The following NAB1 variants were observed in gnomAD, a reference collection of about 807,000 sequenced individuals.
The protein encoded by NAB1 is NGFI-A binding protein 1.
In NAB1, 25 loss-of-function variants were observed where a neutral mutation model predicts 49.9. The observed-to-expected ratio is 0.50, with a 90% CI of 0.37 to 0.70. NAB1 has a LOEUF of 0.70. Among genes scored for constraint, NAB1 ranks in the 30% least tolerant of loss-of-function variants. NAB1 has a pLI of 0.00. For missense variants in NAB1, 489 were observed against 575.9 expected (o/e 0.85, Z 1.54); for synonymous variants, 198 against 215.6 (o/e 0.92, Z 0.71).
rs1695214107 is a variant in NAB1, at chr2:190,679,237, ATTTC to A, written c.1006-4499_1006-4496del. Reference sequence around the variant, plus strand: ...GTTTCTTGGGAATGTTCTTACTTTTATTTCTAAGTCATATATTTTGGGGACCTTA... The same window carrying A: ...GTTTCTTGGGAATGTTCTTACTTTTATAAGTCATATATTTTGGGGACCTTA... On this transcript the variant is annotated intron_variant, in intron 6 of 9. Transcript: ENST00000337386. The surrounding 1 kb of genome is among the most constrained non-coding windows in gnomAD (Gnocchi z 5.3). 6.6e-6 allele frequency among the ~76,000 whole-genome samples: 1 copy of A among 152,186 alleles called. No homozygotes were observed. Among genetic ancestry groups the A allele is most frequent in the African/African-American group, 2.4e-5 (1 of 41,452 alleles).
In NAB1 at chr2:190,666,351, T is replaced by C. The variant is rs1055027635; in HGVS notation, c.820-3975T>C. Among the ~76,000 whole-genome samples the C allele has an allele frequency of 1.3e-5, 2 of 152,314 alleles. No homozygotes were observed. The highest frequency in any genetic ancestry group is 2.9e-5 in the Non-Finnish European group (2 of 68,026). The stretch of plus-strand genomic sequence containing the variant: ...GTTTTTTTAGGAATCAGTAAACCAC[T>C]CTTCTTAAGGATAAAGATAACTGTA... On this transcript the variant is annotated intron_variant, in intron 4 of 9. Coordinates refer to ENST00000337386, the MANE Select transcript of NAB1 (RefSeq NM_005966.4). This position sits in a 1 kb window ranked among gnomAD's most constrained non-coding sequence, Gnocchi z 5.6.
rs1011762497 is a variant in NAB1, at chr2:190,669,279, CTG to C, written c.820-1044_820-1043del. ...GTAACTGAAACCTCAGACAGCAAAA[CTG>C]TGGGTAAGGGGGTACTGCCGTACCT... On this transcript the variant is annotated intron_variant, in intron 4 of 9. Transcript: ENST00000337386. This position sits in a 1 kb window ranked among gnomAD's most constrained non-coding sequence, Gnocchi z 4.3. Among the ~76,000 whole-genome samples, 24 of 152,334 alleles carry C rather than the reference CTG, an allele frequency of 1.6e-4. No homozygotes were observed. The South Asian group carries it at 2.1e-3, about 13-fold the overall frequency.
chr2:190,668,063 A>G (rs2159818), intron 4 of NAB1, among the ~76,000 whole-genome samples: 49,498 of 152,044 alleles, frequency 0.33, 8,644 homozygotes, highest in African/African-American at 0.44. Context: ...GCTGTTTTAG[A>G]AATATAAAAT....
At position 190,667,221 on chromosome 2, in the gene NAB1, A is replaced by G. The variant is rs1300008159; in HGVS notation, c.820-3105A>G. ...TATTTTTCTTGGTTTCTGGAAAGGT[A>G]AGAGAAGGAATACTAGAATATTGTT... On this transcript the variant is annotated intron_variant, in intron 4 of 9. Coordinates refer to ENST00000337386, the MANE Select transcript of NAB1 (RefSeq NM_005966.4). The surrounding 1 kb of genome is among the most constrained non-coding windows in gnomAD (Gnocchi z 4.4). Among the ~76,000 whole-genome samples, 1 of 152,230 alleles carries G rather than the reference A, an allele frequency of 6.6e-6. No homozygotes were observed. The highest frequency in any genetic ancestry group is 1.5e-5 in the Non-Finnish European group (1 of 68,034).
At position 190,659,665 on chromosome 2, in the gene NAB1, C is replaced by T. The variant is rs749706514; in HGVS notation, c.489C>T (p.Gly163=). Residue 163 remains glycine (G), a synonymous_variant, in exon 4 of 10, where the codon GGC becomes GGT. Transcript: ENST00000337386. The surrounding 1 kb of genome is among the most constrained non-coding windows in gnomAD (Gnocchi z 6.2). ...TTGGTGAGTCCAGACTCTGGCAAGG[C>T]CACCATGCCACTGAGAGCGAGCACA... ...QSVGESRLWQ[G]HHATESEHSL... The T allele has an allele frequency of 6.2e-6, 10 of 1,613,700 alleles. No individual in the cohort carries two copies. In the African/African-American group the frequency reaches 1.1e-4, roughly 17 times the overall value.
rs1695260769 is a variant in NAB1, at chr2:190,680,116, TC to T, written c.1006-3619del. The stretch of plus-strand genomic sequence containing the variant: ...TTCACCAGCAGCCCTCTAACCAGTG[TC>T]CCTGTCACCACCCTGAACTCCCCTC... On this transcript the variant is annotated intron_variant, in intron 6 of 9. Coordinates refer to ENST00000337386, the MANE Select transcript of NAB1 (RefSeq NM_005966.4). This position sits in a 1 kb window ranked among gnomAD's most constrained non-coding sequence, Gnocchi z 5.2. 1.3e-5 allele frequency among the ~76,000 whole-genome samples: 2 copies of T among 152,186 alleles called. No individual in the cohort carries two copies. The highest frequency in any genetic ancestry group is 2.9e-5 in the Non-Finnish European group (2 of 68,016).
chr2:190,671,445 A>C (rs951281784), intron 5 of NAB1, among the ~76,000 whole-genome samples: 3 of 152,214 alleles, frequency 2.0e-5, no homozygotes, highest in Non-Finnish European at 4.4e-5. Flanking sequence ...GACTAAGTGA[A>C]CAGGGTAAGA....
Position 190,674,056 on chromosome 2 carries a change from TAC to T in NAB1, c.1005+906_1005+907del, listed in dbSNP as rs1020304154. Among the ~76,000 whole-genome samples the T allele has an allele frequency of 6.6e-6, 1 of 152,224 alleles. No individual in the cohort carries two copies. The highest frequency in any genetic ancestry group is 2.4e-5 in the African/African-American group (1 of 41,454). On this transcript the variant is annotated intron_variant, in intron 6 of 9. Coordinates refer to ENST00000337386, the MANE Select transcript of NAB1 (RefSeq NM_005966.4). This position sits in a 1 kb window ranked among gnomAD's most constrained non-coding sequence, Gnocchi z 5.7. Reference sequence around the variant, plus strand: ...CTAAATTTCTGTCATCAGTTATATCTACAGAGTATCTATATGGCAGTAATCCT... The same window carrying T: ...CTAAATTTCTGTCATCAGTTATATCTAGAGTATCTATATGGCAGTAATCCT...
rs747162813 is a variant in NAB1, at chr2:190,659,492, T to C, written c.316T>C (p.Trp106Arg). Reference protein sequence around the residue: ...IYKLPEGSPTWLGISCSSYER... With the variant: ...IYKLPEGSPTRLGISCSSYER... ...TAAATTACCAGAGGGATCACCAACA[T>C]GGCTGGGAATATCCTGCAGTAGTTA... Residue 106 changes from tryptophan to arginine, a missense_variant, in exon 4 of 10, where the codon TGG becomes CGG. By Grantham distance (101) the Trp-to-Arg change is moderately radical (BLOSUM62 -3). Around this residue, in one of 4 missense-constraint regions of NAB1, gnomAD observed 204 missense variants for 220.9 expected, o/e 0.92. Transcript: ENST00000337386. This position sits in a 1 kb window ranked among gnomAD's most constrained non-coding sequence, Gnocchi z 6.2. 3.0e-5 allele frequency: 48 copies of C among 1,614,088 alleles called. No individual in the cohort carries two copies. Among genetic ancestry groups the C allele is most frequent in the Non-Finnish European group, 3.7e-5 (44 of 1,180,032 alleles).
chr2:190,656,694 AT>A (rs1289809817), intron 3 of NAB1, among the ~76,000 whole-genome samples: 1 of 152,158 alleles, frequency 6.6e-6, no homozygotes, highest in African/African-American at 2.4e-5. Context: ...AAACTTGAAA[AT>A]TATTTTCTAA....
In NAB1 at chr2:190,657,811, T is replaced by A. The variant is rs1248552851; in HGVS notation, c.-19-1347T>A. Among the ~76,000 whole-genome samples the A allele has an allele frequency of 6.6e-6, 1 of 152,200 alleles. No individual in the cohort carries two copies. Among genetic ancestry groups the A allele is most frequent in the Non-Finnish European group, 1.5e-5 (1 of 68,040 alleles). On this transcript the variant is annotated intron_variant, in intron 3 of 9. Transcript: ENST00000337386. This position sits in a 1 kb window ranked among gnomAD's most constrained non-coding sequence, Gnocchi z 4.4. ...AACAAAAGTCCCAAGTTCAGTGACTTCTTGGCTTTCAGGGACGTCCCAGTT... is the reference window on the plus strand; with the variant it reads ...AACAAAAGTCCCAAGTTCAGTGACTACTTGGCTTTCAGGGACGTCCCAGTT...
chr2:190,690,098 A>G (rs546293654), intron 9 of NAB1, 147 bp from the exon 10 acceptor site: 15 of 494,172 alleles, frequency 3.0e-5, no homozygotes, highest in Non-Finnish European at 4.9e-5. Context: ...TAACAGCTCT[A>G]TGAACAAAAA....
rs1385212212 is a variant in NAB1 at position 190,676,691 on chromosome 2, GA to G, written c.1005+3546del. On this transcript the variant is annotated intron_variant, in intron 6 of 9. Coordinates refer to ENST00000337386, the MANE Select transcript of NAB1 (RefSeq NM_005966.4). This position sits in a 1 kb window ranked among gnomAD's most constrained non-coding sequence, Gnocchi z 4.6. ...GAGCACAACCTTGTCTCAAACAAAG[GA>G]AAAAAAGTTTTTAAGTAACGTACAA... Among the ~76,000 whole-genome samples the G allele has an allele frequency of 6.6e-6, 1 of 152,000 alleles. No homozygotes were observed. Among genetic ancestry groups the G allele is most frequent in the Non-Finnish European group, 1.5e-5 (1 of 67,970 alleles).
At chr2:190,681,840 G>C (rs1695363650) in intron 6 of NAB1, among the ~76,000 whole-genome samples, 1 of 152,054 alleles carries the variant, frequency 6.6e-6, no homozygotes, top group Non-Finnish European at 1.5e-5. Flanking sequence ...TCCCAAATAA[G>C]GTAAAATATT....
rs1695474763 is a variant in NAB1, at chr2:190,683,826, A to G, written c.1094A>G (p.Gln365Arg). ...GAAGAACTTGCAGCTCTTAGTTCACAGGTAACATAAACTCCCAGTTATTAC... is the reference window on the plus strand; with the variant it reads ...GAAGAACTTGCAGCTCTTAGTTCACGGGTAACATAAACTCCCAGTTATTAC... ...KSEELAALSSQQPEKVMAKQM... is the reference protein window; with the variant it reads ...KSEELAALSSRQPEKVMAKQM... Residue 365 changes from glutamine (Q) to arginine (R), a missense_variant and splice_region_variant, in exon 7 of 10, where the codon CAG (glutamine) becomes CGG (arginine). Around this residue, in one of 4 missense-constraint regions of NAB1, gnomAD observed 212 missense variants for 199.3 expected, o/e 1.06. Coordinates refer to ENST00000337386, the MANE Select transcript of NAB1 (RefSeq NM_005966.4). 6.2e-7 allele frequency: 1 copy of G among 1,610,556 alleles called. No homozygotes were observed. The highest frequency in any genetic ancestry group is 8.5e-7 in the Non-Finnish European group (1 of 1,177,484).
In NAB1 at chr2:190,657,305, C is replaced by T. The variant is rs910486025; in HGVS notation, c.-20+1152C>T. On this transcript the variant is annotated intron_variant, in intron 3 of 9. Transcript: ENST00000337386. This position sits in a 1 kb window ranked among gnomAD's most constrained non-coding sequence, Gnocchi z 4.4. ...TTAGGTGATTTAGAAGATGCAAGAA[C>T]GTTTTTATCCAGAGGACTGAGGTGG... Among the ~76,000 whole-genome samples, 1 of 152,066 alleles carries T rather than the reference C, an allele frequency of 6.6e-6. No individual in the cohort carries two copies. Among genetic ancestry groups the T allele is most frequent in the African/African-American group, 2.4e-5 (1 of 41,388 alleles).
chr2:190,689,333 C>T lies in NAB1; in HGVS notation c.1376-912C>T, dbSNP rs1250454470. 6.6e-6 allele frequency among the ~76,000 whole-genome samples: 1 copy of T among 152,138 alleles called. No homozygotes were observed. Among genetic ancestry groups the T allele is most frequent in the African/African-American group, 2.4e-5 (1 of 41,424 alleles). ...ATTAAACAAGATAGTGTACCTGCAT[C>T]GTACACTATCTATTCCAGCCAGCAG... On this transcript the variant is annotated intron_variant, in intron 9 of 9. Transcript: ENST00000337386. This position sits in a 1 kb window ranked among gnomAD's most constrained non-coding sequence, Gnocchi z 4.3.
rs1695060401 is a variant in NAB1 at position 190,676,169 on chromosome 2, A to G, written c.1005+3017A>G. 6.6e-6 allele frequency among the ~76,000 whole-genome samples: 1 copy of G among 152,112 alleles called. No individual in the cohort carries two copies. The highest frequency in any genetic ancestry group is 2.4e-5 in the African/African-American group (1 of 41,426). ...AGGTGTAATTTGAGCTGGGTTTTTA[A>G]AAGAAGGGTAGAATTTCAAAAGGTA... On this transcript the variant is annotated intron_variant, in intron 6 of 9. Transcript: ENST00000337386. This position sits in a 1 kb window ranked among gnomAD's most constrained non-coding sequence, Gnocchi z 4.6.
rs1695494378 is a variant in NAB1 at position 190,684,154 on chromosome 2, A to C, written c.1095+327A>C. Among the ~76,000 whole-genome samples the C allele has an allele frequency of 6.6e-6, 1 of 152,190 alleles. No individual in the cohort carries two copies. The highest frequency in any genetic ancestry group is 6.5e-5 in the Admixed American group (1 of 15,276). On this transcript the variant is annotated intron_variant, in intron 7 of 9. Coordinates refer to ENST00000337386, the MANE Select transcript of NAB1 (RefSeq NM_005966.4). This position sits in a 1 kb window ranked among gnomAD's most constrained non-coding sequence, Gnocchi z 4.6. The stretch of plus-strand genomic sequence containing the variant: ...GTTGACCATGGCTGTGTGTAATGCA[A>C]CTCTGAGATAAAATAATACTAGTTC...
Sources: gnomAD v4.1 joint callset for allele counts (sites outside exome capture counted in the v4.1 genomes callset) on GRCh38, gnomAD v4.1.1 for gene constraint, gnomAD v4.1.1 regional missense constraint, Gnocchi (gnomAD v3.1) non-coding constraint, MANE v1.5 for transcripts, NCBI Gene and HGNC (gene_info 2026-07-23, HGNC 2026-07-21) for gene names.